The following MAN1A1 variants were observed in gnomAD, a reference collection of about 807,000 sequenced individuals.
MAN1A1 encodes the protein mannosyl-oligosaccharide 1,2-alpha-mannosidase IA.
MAN1A1 carries 29 observed loss-of-function variants against 70.8 expected under a neutral mutation model. The observed-to-expected ratio is 0.41, with a 90% confidence interval of 0.31 to 0.56. MAN1A1 has a LOEUF of 0.56. Ranked by LOEUF, MAN1A1 falls within the 20% of genes least tolerant of loss-of-function variation. MAN1A1 has a pLI of 0.29. For synonymous variants in MAN1A1, 349 were observed against 330.1 expected, an observed-to-expected ratio of 1.06 and a Z score of -0.62; for missense variants, 747 against 841.3, an observed-to-expected ratio of 0.89 and a Z score of 1.39.
rs1177626419 is a variant in MAN1A1, at chr6:119,177,947, A to G, written c.*1872T>C. On this transcript the variant is annotated 3_prime_UTR_variant, in exon 13 of 13. Transcript: ENST00000368468. ...CATTATATTCTTAATTTTGGCAATA[A>G]TTTTTAATATTTTGCCTTAAAGTCC... is the stretch of plus-strand genomic sequence containing the variant. 6.6e-6 allele frequency: 1 copy of G among 152,128 alleles called. No homozygotes were observed. Among genetic ancestry groups the G allele is most frequent in the Non-Finnish European group, 1.5e-5 (1 of 67,956 alleles). 9.4% of individuals were successfully genotyped at this position (152,128 alleles called of 1,614,324 possible).
intron 2 of MAN1A1, among the ~76,000 whole-genome samples, chr6:119,316,195 G>C (rs1417102988): frequency 4.0e-5 from 1 of 25,068 alleles, no homozygotes; most frequent in Admixed American, 4.3e-4. Context: ...TTTTTTTTTT[G>C]AGATGGAGTT....
chr6:119,340,250 T>C (rs1247995277), intron 2 of MAN1A1, among the ~76,000 whole-genome samples: 2 of 151,958 alleles, frequency 1.3e-5, no homozygotes, highest in Non-Finnish European at 2.9e-5. Flanking sequence ...AGAGATACAG[T>C]GAGGAAACAC....
At chr6:119,273,377 T>G (rs1010733705) in intron 5 of MAN1A1, among the ~76,000 whole-genome samples, 4 of 152,164 alleles carry the variant, frequency 2.6e-5, no homozygotes, top group Admixed American at 2.0e-4. Flanking sequence ...AATCATATCA[T>G]ACATGAAAGT....
chr6:119,204,624 T>A (rs1202484699), intron 7 of MAN1A1, 135 bp downstream of exon 7: 1 of 1,075,028 alleles, frequency 9.3e-7, no homozygotes, highest in South Asian at 1.5e-5. Context: ...AAATGCTGCA[T>A]GTTGCAAAAC....
In MAN1A1 at chr6:119,251,090, T is replaced by C. The variant is rs138007659; in HGVS notation, c.898-2736A>G. 2.7e-4 allele frequency among the ~76,000 whole-genome samples: 41 copies of C among 152,316 alleles called. No individual in the cohort carries two copies. In the Middle Eastern group the frequency reaches 0.014, roughly 51 times the overall value. ...GATAGGAGCATAGGCCATGTTCTCA[T>C]TGCCAGGTACTATGAAATGCACGAT... On this transcript the variant is annotated intron_variant, in intron 5 of 12. Coordinates refer to ENST00000368468, the MANE Select transcript of MAN1A1 (RefSeq NM_005907.4).
chr6:119,265,685 G>A (rs1413224957), intron 5 of MAN1A1, among the ~76,000 whole-genome samples: 2 of 151,364 alleles, frequency 1.3e-5, no homozygotes, highest in Non-Finnish European at 1.5e-5. Context: ...ATCATAATAC[G>A]GTGAGAAATA....
rs3823004 is a variant in MAN1A1 at position 119,324,030 on chromosome 6, T to C, written c.604-17038A>G. ...TGCATAGTTATCTTAACTCTCACTG[T>C]GTTTCAACATACACAGTAACAGCAA... On this transcript the variant is annotated intron_variant, in intron 2 of 12. Coordinates refer to ENST00000368468, the MANE Select transcript of MAN1A1 (RefSeq NM_005907.4). Among the ~76,000 whole-genome samples the C allele has an allele frequency of 5.9e-3, 894 of 152,294 alleles. 30 individuals carry two copies. The East Asian group carries it at 0.09, about 15-fold the overall frequency.
chr6:119,348,726 C>T lies in MAN1A1; in HGVS notation c.340G>A (p.Glu114Lys). The T allele has an allele frequency of 6.3e-7, 1 of 1,579,778 alleles. No homozygotes were observed. Among genetic ancestry groups the T allele is most frequent in the Non-Finnish European group, 8.6e-7 (1 of 1,165,398 alleles). ...GCCAAGTTGTCCTCCAGGGCGGCCT[C>T]CGGGTCCCCGGGTGCCCCCTCCTCG... is the stretch of plus-strand genomic sequence containing the variant. ...RREEGAPGDPEAALEDNLARI... is the reference protein window; with the variant it reads ...RREEGAPGDPKAALEDNLARI... The change falls in exon 2 of 13, where the codon GAG (glutamate) becomes AAG (lysine). Residue 114 changes from glutamate (E) to lysine (K), a missense_variant. Physicochemically the swap from Glu to Lys is moderately conservative, Grantham distance 56. Coordinates refer to ENST00000368468, the MANE Select transcript of MAN1A1 (RefSeq NM_005907.4).
intron 6 of MAN1A1, among the ~76,000 whole-genome samples, chr6:119,234,984 C>T (rs895279859): frequency 2.0e-5 from 3 of 152,196 alleles, no homozygotes; most frequent in Middle Eastern, 3.4e-3. Context: ...TCAGATGGTA[C>T]AATTCTAAGT....
chr6:119,300,325 G>A (rs991575549), intron 4 of MAN1A1, among the ~76,000 whole-genome samples: 4 of 151,208 alleles, frequency 2.6e-5, no homozygotes, highest in Non-Finnish European at 5.9e-5. Flanking sequence ...GTGCAATCAC[G>A]GCTCACTGCA....
chr6:119,285,602 T>C (rs1776348701), intron 5 of MAN1A1, among the ~76,000 whole-genome samples: 1 of 141,806 alleles, frequency 7.1e-6, no homozygotes, highest in African/African-American at 2.6e-5. Flanking sequence ...ATCACTGTTT[T>C]CAATTCTTTT....
At chr6:119,324,248 A>G (rs1773090973) in intron 2 of MAN1A1, among the ~76,000 whole-genome samples, 1 of 152,204 alleles carries the variant, frequency 6.6e-6, no homozygotes, top group South Asian at 2.1e-4. Flanking sequence ...CTGAATAAAT[A>G]TATTTTCTAA....
At chr6:119,262,729 T>C (rs1397746101) in intron 5 of MAN1A1, among the ~76,000 whole-genome samples, 1 of 152,076 alleles carries the variant, frequency 6.6e-6, no homozygotes, top group East Asian at 1.9e-4. Context: ...TCAACCTAAA[T>C]GCTCATCAGC....
chr6:119,335,185 C>A (rs1197045668), intron 2 of MAN1A1, among the ~76,000 whole-genome samples: 2 of 152,190 alleles, frequency 1.3e-5, no homozygotes, highest in Non-Finnish European at 2.9e-5. Context: ...CCAAAACATA[C>A]TTTTCTTTCC....
At chr6:119,222,297 T>C (rs1027036509) in intron 6 of MAN1A1, among the ~76,000 whole-genome samples, 3 of 151,796 alleles carry the variant, frequency 2.0e-5, no homozygotes, top group Non-Finnish European at 2.9e-5. Flanking sequence ...GTTGTTATTA[T>C]AGTATCTTTC....
chr6:119,313,130 C>T (rs565478022), intron 2 of MAN1A1, among the ~76,000 whole-genome samples: 2 of 152,010 alleles, frequency 1.3e-5, no homozygotes, highest in Non-Finnish European at 2.9e-5. Flanking sequence ...AGAGCAATTA[C>T]GGGAAAGGAA....
At chr6:119,235,895 T>G (rs1170157740) in intron 6 of MAN1A1, among the ~76,000 whole-genome samples, 1 of 151,830 alleles carries the variant, frequency 6.6e-6, no homozygotes, top group African/African-American at 2.4e-5. Context: ...TCCAGCACTT[T>G]GGGAGACCAA....
At chr6:119,242,389 C>T (rs539486744) in intron 6 of MAN1A1, among the ~76,000 whole-genome samples, 1 of 152,160 alleles carries the variant, frequency 6.6e-6, no homozygotes, top group East Asian at 1.9e-4. Flanking sequence ...CACCACTATC[C>T]TACATAAACC....
intron 5 of MAN1A1, among the ~76,000 whole-genome samples, chr6:119,290,093 A>T (rs1776492294): frequency 6.6e-6 from 1 of 151,972 alleles, no homozygotes; most frequent in Non-Finnish European, 1.5e-5. Flanking sequence ...TCCTTTCTTA[A>T]TCTATCAATA....
Sources: gnomAD v4.1 joint callset for allele counts (sites outside exome capture counted in the v4.1 genomes callset) on GRCh38, gnomAD v4.1.1 for gene constraint, MANE v1.5 for transcripts, NCBI Gene and HGNC (gene_info 2026-07-23, HGNC 2026-07-21) for gene names.